Variants in ZNF644 observed in about 807,000 individuals in gnomAD.
ZNF644 encodes zinc finger motif enhancer binding protein 2.
In ZNF644, 20 loss-of-function variants were observed where a neutral mutation model predicts 108.0. The observed-to-expected ratio is 0.19, with a 90% confidence interval of 0.13 to 0.27. The LOEUF is 0.27. Ranked by LOEUF, ZNF644 falls within the 10% of genes least tolerant of loss-of-function variation. ZNF644 has a pLI of 1.00. For synonymous variants in ZNF644, 542 were observed against 539.1 expected, an observed-to-expected ratio of 1.01 and a Z score of -0.08; for missense variants, 1,338 against 1,548.9, an observed-to-expected ratio of 0.86 and a Z score of 2.29.
intron 1 of ZNF644, among the ~76,000 whole-genome samples, chr1:91,010,460 G>A (rs60929086): frequency 0.11 from 16,555 of 147,564 alleles, 1,007 homozygotes; most frequent in South Asian, 0.16. Flanking sequence ...CCATGTTGGC[G>A]AGGCTGGTCT....
chr1:90,939,316 G>T lies in ZNF644; in HGVS notation c.2038C>A (p.Arg680=). ...QSSSFSKIHK[R]PHRIQKARKS... ...CGAGCTTTCTGTATTCTGTGTGGCC[G>T]CTTATGAATTTTTGAAAAACTACTT... The change falls in exon 3 of 6, where the codon CGG becomes AGG. Residue 680 remains arginine, a synonymous_variant. Transcript: ENST00000337393. The T allele has an allele frequency of 6.2e-7, 1 of 1,613,884 alleles. No individual in the cohort carries two copies.
chr1:90,957,684 G>A (rs1257258086), intron 2 of ZNF644, among the ~76,000 whole-genome samples: 1 of 152,064 alleles, frequency 6.6e-6, no homozygotes, highest in Non-Finnish European at 1.5e-5. Context: ...ACTCAATGGT[G>A]AGAGACAAGT....
intron 1 of ZNF644, among the ~76,000 whole-genome samples, chr1:90,995,715 C>T (rs1414276679): frequency 2.0e-5 from 3 of 152,094 alleles, no homozygotes; most frequent in African/African-American, 7.2e-5. Context: ...GATACTGAAA[C>T]AACATCTTCT....
intron 1 of ZNF644, among the ~76,000 whole-genome samples, chr1:90,995,406 T>C (rs1316741870): frequency 6.6e-6 from 1 of 152,128 alleles, no homozygotes; most frequent in Non-Finnish European, 1.5e-5. Context: ...TAGGACACTA[T>C]TAGGCAGTCC....
chr1:90,946,563 A>C (rs903762377), intron 2 of ZNF644, among the ~76,000 whole-genome samples: 2 of 152,136 alleles, frequency 1.3e-5, no homozygotes, highest in Non-Finnish European at 2.9e-5. Context: ...ACTGAGCCTT[A>C]AAAGTATTCT....
chr1:91,005,960 C>T (rs1190424985), intron 1 of ZNF644, among the ~76,000 whole-genome samples: 1 of 151,498 alleles, frequency 6.6e-6, no homozygotes, highest in Non-Finnish European at 1.5e-5. Context: ...AATCAATCAA[C>T]CCAAAAGTTG....
At chr1:91,017,641 A>AT (rs1247633317) in intron 1 of ZNF644, among the ~76,000 whole-genome samples, 3 of 152,186 alleles carry the variant, frequency 2.0e-5, no homozygotes, top group Non-Finnish European at 2.9e-5. Flanking sequence ...CCATAATCAC[A>AT]TAAGAGTTCC....
chr1:90,942,575 A>G (rs1323564696), intron 2 of ZNF644, among the ~76,000 whole-genome samples: 1 of 152,234 alleles, frequency 6.6e-6, no homozygotes, highest in East Asian at 1.9e-4. Flanking sequence ...CTGAATAAGT[A>G]TTGGATTAAT....
At chr1:90,946,800 A>G (rs1652561041) in intron 2 of ZNF644, among the ~76,000 whole-genome samples, 1 of 152,126 alleles carries the variant, frequency 6.6e-6, no homozygotes, top group East Asian at 1.9e-4. Flanking sequence ...TTGCCATTAA[A>G]AAAAAGCAAA....
At chr1:90,957,041 G>C (rs1653821259) in intron 2 of ZNF644, among the ~76,000 whole-genome samples, 2 of 152,026 alleles carry the variant, frequency 1.3e-5, no homozygotes, top group Non-Finnish European at 2.9e-5. Context: ...CAAAAAATTG[G>C]ATAATCTAGA....
rs560038141 is a variant in ZNF644, at chr1:90,939,188, G to T, written c.2166C>A (p.Phe722Leu). Residue 722 changes from phenylalanine to leucine, a missense_variant, in exon 3 of 6, where the codon TTC becomes TTA. Transcript: ENST00000337393. ...KSSVDQKPKY[F>L]HQAAKEKSNA... ...TAGACTTTTCTTTTGCTGCTTGATG[G>T]AAATACTTAGGTTTTTGGTCAACGC... 3 of 1,613,792 alleles carry T rather than the reference G, an allele frequency of 1.9e-6. No individual in the cohort carries two copies. Among genetic ancestry groups the T allele is most frequent in the South Asian group, 2.2e-5 (2 of 91,078 alleles).
intron 1 of ZNF644, among the ~76,000 whole-genome samples, chr1:91,011,989 T>C (rs1659996349): frequency 1.3e-5 from 2 of 152,110 alleles, no homozygotes. Flanking sequence ...GGCAACTATG[T>C]TATCGGTGGA....
intron 1 of ZNF644, among the ~76,000 whole-genome samples, chr1:90,990,197 T>C (rs1013447395): frequency 3.3e-5 from 5 of 152,212 alleles, no homozygotes; most frequent in Non-Finnish European, 4.4e-5. Flanking sequence ...ACAGAGTTTC[T>C]CTTTTCCAAA....
intron 4 of ZNF644, among the ~76,000 whole-genome samples, chr1:90,928,095 C>G (rs1650266997): frequency 6.6e-6 from 1 of 151,908 alleles, no homozygotes; most frequent in Non-Finnish European, 1.5e-5. Flanking sequence ...ATCCGCCTGC[C>G]TCGGCCTCCC....
Position 90,939,057 on chromosome 1 carries a change from GCTT to G in ZNF644, c.2294_2296del (p.Glu765del), listed in dbSNP as rs764824960. 7.6e-5 allele frequency: 122 copies of G among 1,613,976 alleles called. No homozygotes were observed. The highest frequency in any genetic ancestry group is 5.9e-4 in the African/African-American group (44 of 75,026). ...CAGGTGTAAAGAATTTAATGAACTA[GCTT>G]CTTCTTTTTTGAAATGCACAGGATA... On this transcript the variant is annotated inframe_deletion, in exon 3 of 6. Coordinates refer to ENST00000337393, the MANE Select transcript of ZNF644 (RefSeq NM_201269.3).
chr1:90,972,347 A>G (rs565062291), intron 2 of ZNF644, among the ~76,000 whole-genome samples: 22 of 152,358 alleles, frequency 1.4e-4, no homozygotes, highest in Admixed American at 6.5e-4. Context: ...TTCTCCAAGG[A>G]CATTCATATG....
chr1:91,002,018 G>A (rs905019524), intron 1 of ZNF644, among the ~76,000 whole-genome samples: 5 of 152,144 alleles, frequency 3.3e-5, no homozygotes, highest in Admixed American at 1.3e-4. Flanking sequence ...ATTGCTCAAC[G>A]AAATAAAAGA....
At chr1:90,945,062 A>G (rs1187575241) in intron 2 of ZNF644, among the ~76,000 whole-genome samples, 1 of 152,162 alleles carries the variant, frequency 6.6e-6, no homozygotes, top group Non-Finnish European at 1.5e-5. Context: ...TTGTATAGTC[A>G]AATGTATATA....
intron 2 of ZNF644, among the ~76,000 whole-genome samples, chr1:90,962,355 G>A (rs1044412109): frequency 6.6e-6 from 1 of 151,960 alleles, no homozygotes; most frequent in Non-Finnish European, 1.5e-5. Context: ...AGACCCATAT[G>A]TATATGGTCA....
Sources: allele counts gnomAD v4.1 joint callset (sites outside exome capture counted in the v4.1 genomes callset), GRCh38; gene constraint gnomAD v4.1.1; transcripts MANE v1.5; gene names NCBI Gene and HGNC (gene_info 2026-07-23, HGNC 2026-07-21).